MRAS: variants seen among roughly 807,000 people sequenced by gnomAD.
The protein encoded by MRAS is muscle RAS oncogene homolog.
A neutral mutation model predicts 20.9 loss-of-function variants in MRAS; 4 were observed. The observed-to-expected ratio is 0.19, with a 90% CI of 0.09 to 0.44. MRAS has a LOEUF of 0.44. Ranked by LOEUF, MRAS falls within the 20% of genes least tolerant of loss-of-function variation. MRAS has a pLI of 0.99. For synonymous variants in MRAS, 98 were observed against 102.9 expected (o/e 0.95, Z 0.29); for missense variants, 154 against 277.5 (o/e 0.56, Z 3.16).
intron 2 of MRAS, among the ~76,000 whole-genome samples, chr3:138,379,449 C>T (rs1315967569): frequency 6.6e-6 from 1 of 151,550 alleles, no homozygotes; most frequent in Admixed American, 6.6e-5. Context: ...CCTCCCCCTC[C>T]CGGGTTCAAG....
At chr3:138,402,133 T>G in intron 5 of MRAS, 37 bp from the exon 6 acceptor site, 1 of 1,595,898 alleles carries the variant, frequency 6.3e-7, no homozygotes, top group African/African-American at 1.3e-5. Context: ...CAAAGCCCAT[T>G]CTGACTTTGT....
intron 1 of MRAS, among the ~76,000 whole-genome samples, chr3:138,365,579 C>A (rs548868544): frequency 1.3e-5 from 2 of 152,156 alleles, no homozygotes; most frequent in African/African-American, 4.8e-5. Context: ...AAGAAAAGCA[C>A]GGATTGGTAG....
intron 2 of MRAS, among the ~76,000 whole-genome samples, chr3:138,383,403 T>C (rs2054945949): frequency 6.6e-6 from 1 of 152,186 alleles, no homozygotes; most frequent in Non-Finnish European, 1.5e-5. Context: ...TGATCATAGC[T>C]TACTGCAGCC....
chr3:138,360,954 T>G (rs895793604), intron 1 of MRAS, among the ~76,000 whole-genome samples: 2 of 152,174 alleles, frequency 1.3e-5, no homozygotes, highest in Non-Finnish European at 2.9e-5. Context: ...GTCAGAGATA[T>G]GGCCTTGGAC....
intron 4 of MRAS, 165 bp from the exon 5 acceptor site, chr3:138,400,369 A>G: frequency 1.6e-6 from 1 of 629,792 alleles, no homozygotes. Flanking sequence ...CCAACCTGAA[A>G]GAGTGAAAAG....
chr3:138,396,858 T>C (rs2055247474), intron 2 of MRAS, among the ~76,000 whole-genome samples: 3 of 151,990 alleles, frequency 2.0e-5, no homozygotes, highest in African/African-American at 7.3e-5. Flanking sequence ...TCTTCTCCCC[T>C]AGGGGGTGCA....
chr3:138,380,966 A>G (rs1287946225), intron 2 of MRAS, among the ~76,000 whole-genome samples: 1 of 150,332 alleles, frequency 6.7e-6, no homozygotes, highest in Non-Finnish European at 1.5e-5. Flanking sequence ...GACTGGTAGC[A>G]TTTTCACCAT....
At chr3:138,402,134 C>A (rs758386955) in intron 5 of MRAS, 36 bp from the exon 6 acceptor site, 1 of 1,595,830 alleles carries the variant, frequency 6.3e-7, no homozygotes, top group Non-Finnish European at 8.6e-7. Flanking sequence ...AAAGCCCATT[C>A]TGACTTTGTC....
chr3:138,388,881 G>A (rs987959414), intron 2 of MRAS, among the ~76,000 whole-genome samples: 2 of 151,704 alleles, frequency 1.3e-5, no homozygotes, highest in Non-Finnish European at 2.9e-5. Flanking sequence ...CACTCTCGTT[G>A]CCCAGGCTGG....
At chr3:138,376,346 T>G (rs2054783319) in intron 2 of MRAS, among the ~76,000 whole-genome samples, 2 of 152,240 alleles carry the variant, frequency 1.3e-5, no homozygotes, top group South Asian at 4.1e-4. Context: ...ACTCTGTTCT[T>G]CTTTATTCTG....
intron 2 of MRAS, among the ~76,000 whole-genome samples, chr3:138,397,032 G>A (rs565604079): frequency 8.5e-5 from 13 of 152,274 alleles, no homozygotes; most frequent in East Asian, 7.7e-4. Flanking sequence ...CATGAGGCGC[G>A]TCTGTAGATC....
chr3:138,391,249 T>C (rs2055126797), intron 2 of MRAS, among the ~76,000 whole-genome samples: 1 of 152,254 alleles, frequency 6.6e-6, no homozygotes, highest in Non-Finnish European at 1.5e-5. Flanking sequence ...TTTAAAGCTA[T>C]AATTTTCCTG....
chr3:138,371,045 C>T (rs1449539720), intron 1 of MRAS, among the ~76,000 whole-genome samples: 2 of 152,132 alleles, frequency 1.3e-5, no homozygotes, highest in South Asian at 4.2e-4. Flanking sequence ...TTTCTATTTT[C>T]CCCCATTCTT....
At chr3:138,396,569 CT>C (rs1463774756) in intron 2 of MRAS, among the ~76,000 whole-genome samples, 1 of 152,220 alleles carries the variant, frequency 6.6e-6, no homozygotes, top group African/African-American at 2.4e-5. Context: ...GCCTACCGAG[CT>C]TGTGGCTGTG....
chr3:138,400,755 T>A, intron 5 of MRAS, 142 bp downstream of exon 5: 2 of 700,202 alleles, frequency 2.9e-6, no homozygotes. Context: ...TTCTTGTCCC[T>A]CCTTCCATTT....
At chr3:138,359,513 G>A (rs2054402355) in intron 1 of MRAS, among the ~76,000 whole-genome samples, 1 of 152,144 alleles carries the variant, frequency 6.6e-6, no homozygotes, top group Non-Finnish European at 1.5e-5. Context: ...TCTTATTTTT[G>A]GTCAAGCATA....
chr3:138,374,107 C>T (rs540211367), intron 2 of MRAS, among the ~76,000 whole-genome samples: 13 of 151,880 alleles, frequency 8.6e-5, no homozygotes, highest in African/African-American at 1.4e-4. Context: ...TACAGGCACG[C>T]ACCACCACAC....
intron 5 of MRAS, 104 bp downstream of exon 5, chr3:138,400,717 C>CT (rs1384811333): frequency 1.1e-6 from 1 of 927,618 alleles, no homozygotes; most frequent in Non-Finnish European, 1.7e-6. Flanking sequence ...GGCCATGAGG[C>CT]TGTGGAATTC....
chr3:138,390,235 C>G (rs1015817986), intron 2 of MRAS, among the ~76,000 whole-genome samples: 2 of 152,116 alleles, frequency 1.3e-5, no homozygotes, highest in East Asian at 1.9e-4. Flanking sequence ...CATCTGAAAT[C>G]GATAAGCTCC....
Sources: gnomAD v4.1 joint callset for allele counts (sites outside exome capture counted in the v4.1 genomes callset) on GRCh38, gnomAD v4.1.1 for gene constraint, MANE v1.5 for transcripts, NCBI Gene and HGNC (gene_info 2026-07-23, HGNC 2026-07-21) for gene names.